The following GPD1 variants were observed in gnomAD, a reference collection of about 807,000 sequenced individuals.
GPD1 encodes the protein glycerol-3-phosphate dehydrogenase 1.
Under a neutral mutation model 34.4 loss-of-function variants are expected in GPD1, and 19 were observed. The ratio of observed to expected loss-of-function variants is 0.55; its 90% CI spans 0.39 to 0.81. The LOEUF (loss-of-function observed/expected upper bound fraction) is 0.81. Among genes scored for constraint, GPD1 ranks in the 30% least tolerant of loss-of-function variants. The probability of loss-of-function intolerance (pLI) is 0.00; values close to 1 mark genes in which losing one functional copy is unlikely to be tolerated. For synonymous variants in GPD1, 172 were observed against 174.1 expected (o/e 0.99, Z 0.09); for missense variants, 429 against 447.0 (o/e 0.96, Z 0.36).
chr12:50,107,148 C>T (rs1413664836), intron 5 of GPD1: 8 of 678,384 alleles, frequency 1.2e-5, no homozygotes, highest in Non-Finnish European at 2.2e-5. Flanking sequence ...CCCATTTTAG[C>T]CCCGTGTGGG....
intron 7 of GPD1, 117 bp downstream of exon 7, chr12:50,108,247 A>ACCTTACATT: frequency 1.5e-6 from 1 of 682,700 alleles, no homozygotes. Flanking sequence ...GGGGAGTATT[A>ACCTTACATT]CCTTACATTT....
intron 5 of GPD1, 172 bp from the exon 6 acceptor site, chr12:50,107,395 A>G: frequency 1.4e-6 from 1 of 719,434 alleles, no homozygotes; most frequent in Non-Finnish European, 2.5e-6. Flanking sequence ...GGCTTAAGAA[A>G]GGGGGTGCAG....
At position 50,107,771 on chromosome 12, in the gene GPD1, G is replaced by T. The variant is rs760318023; in HGVS notation, c.817G>T (p.Val273Leu). The change falls in exon 6 of 8, where the codon GTG (valine) becomes TTG (leucine). Residue 273 changes from valine to leucine, a missense_variant. Val to Leu is a conservative substitution (Grantham distance 32). Coordinates refer to ENST00000301149, the MANE Select transcript of GPD1 (RefSeq NM_005276.4). ...CTGCTATGGAGGGCGGAACCGGAAA[G>T]TGGCTGAGGCCTTTGCGCGTACAGG... ...TTCYGGRNRK[V>L]AEAFARTGKS... The T allele has an allele frequency of 6.2e-7, 1 of 1,613,956 alleles. No individual in the cohort carries two copies. Among genetic ancestry groups the T allele is most frequent in the Non-Finnish European group, 8.5e-7 (1 of 1,179,802 alleles).
rs747791923 is a variant in GPD1, at chr12:50,108,021, C to A, written c.847-3C>A. 164 of 1,594,278 alleles carry A rather than the reference C, an allele frequency of 1.0e-4. No homozygotes were observed. Among genetic ancestry groups the A allele is most frequent in the Non-Finnish European group, 1.2e-4 (143 of 1,163,524 alleles). On this transcript the variant is annotated splice_polypyrimidine_tract_variant and splice_region_variant and intron_variant, in intron 6 of 7. Coordinates refer to ENST00000301149, the MANE Select transcript of GPD1 (RefSeq NM_005276.4). The stretch of plus-strand genomic sequence containing the variant: ...CCATCCACTCATCCTGTTTTCTGCA[C>A]AGTCCATTGAGCAGCTGGAGAAAGA...
intron 5 of GPD1, 65 bp downstream of exon 5, chr12:50,106,982 C>A: frequency 1.1e-6 from 1 of 926,904 alleles, no homozygotes; most frequent in Non-Finnish European, 1.8e-6. Context: ...TGGCTGAGCT[C>A]TGCAAGGCTG....
At chr12:50,108,496 C>T (rs553088048) in intron 7 of GPD1, among the ~76,000 whole-genome samples, 5 of 152,284 alleles carry the variant, frequency 3.3e-5, no homozygotes, top group Admixed American at 1.3e-4. Context: ...CCATCTGTTC[C>T]CTGAATCCTG....
intron 3 of GPD1, chr12:50,105,910 C>A (rs1950974994): frequency 1.4e-6 from 1 of 697,132 alleles, no homozygotes; most frequent in African/African-American, 1.8e-5. Flanking sequence ...TGGAGGTCCT[C>A]TCGGGGAGTT....
rs1233646729 is a variant in GPD1 at position 50,104,070 on chromosome 12, G to T, written c.20G>T (p.Cys7Phe). The change falls in exon 1 of 8, where the codon TGC becomes TTC. Residue 7 changes from cysteine (C) to phenylalanine (F), a missense_variant. Physicochemically the swap from Cys to Phe is radical, Grantham distance 205. Transcript: ENST00000301149. ...GGCACCATGGCTAGCAAGAAAGTCTGCATTGTAGGCTCCGGGAACTGGTAA... is the reference window on the plus strand; with the variant it reads ...GGCACCATGGCTAGCAAGAAAGTCTTCATTGTAGGCTCCGGGAACTGGTAA... Reference protein sequence around the residue: MASKKVCIVGSGNWGSA... With the variant: MASKKVFIVGSGNWGSA... 1 of 1,614,124 alleles carries T rather than the reference G, an allele frequency of 6.2e-7. No homozygotes were observed. The highest frequency in any genetic ancestry group is 1.3e-5 in the African/African-American group (1 of 75,046).
intron 3 of GPD1, 72 bp from the exon 4 acceptor site, chr12:50,106,216 G>T: frequency 7.4e-7 from 1 of 1,349,884 alleles, no homozygotes; most frequent in Non-Finnish European, 1.0e-6. Context: ...ATTTGGAAGG[G>T]ACAGAATTTC....
intron 1 of GPD1, 138 bp from the exon 2 acceptor site, chr12:50,104,436 T>C (rs747463131): frequency 4.0e-6 from 3 of 745,690 alleles, no homozygotes; most frequent in South Asian, 2.9e-5. Context: ...CTATTTGTCA[T>C]GGGAGTGGAG....
At chr12:50,105,058 C>T in intron 2 of GPD1, 1 of 390,000 alleles carries the variant, frequency 2.6e-6, no homozygotes, top group Non-Finnish European at 4.6e-6. Context: ...AATCCTGTTA[C>T]TCATTCACTG....
At chr12:50,105,995 G>A in intron 3 of GPD1, 1 of 638,982 alleles carries the variant, frequency 1.6e-6, no homozygotes, top group South Asian at 1.7e-5. Flanking sequence ...AGCTGGTTTG[G>A]AGCAGTGACT....
intron 7 of GPD1, among the ~76,000 whole-genome samples, chr12:50,109,205 A>G (rs1565748654): frequency 6.6e-6 from 1 of 151,536 alleles, no homozygotes; most frequent in African/African-American, 2.4e-5. Context: ...AGAATCATGC[A>G]GGCCAGTTCA....
chr12:50,105,648 G>A lies in GPD1; in HGVS notation c.320G>A (p.Gly107Asp). The A allele has an allele frequency of 1.2e-6, 2 of 1,614,166 alleles. No individual in the cohort carries two copies. Among genetic ancestry groups the A allele is most frequent in the South Asian group, 1.1e-5 (1 of 91,082 alleles). The change falls in exon 3 of 8, where the codon GGC becomes GAC. Residue 107 changes from glycine (G) to aspartate (D), a missense_variant. Coordinates refer to ENST00000301149, the MANE Select transcript of GPD1 (RefSeq NM_005276.4). Reference sequence around the variant, plus strand: ...GGCAAGATCTGTGACCAGCTCAAGGGCCATCTGAAGGCAAACGCCACTGGC... The same window carrying A: ...GGCAAGATCTGTGACCAGCTCAAGGACCATCTGAAGGCAAACGCCACTGGC... ...FIGKICDQLK[G>D]HLKANATGIS...
chr12:50,107,557 C>T lies in GPD1; in HGVS notation c.613-10C>T. 6.2e-7 allele frequency: 1 copy of T among 1,608,682 alleles called. No homozygotes were observed. The highest frequency in any genetic ancestry group is 8.5e-7 in the Non-Finnish European group (1 of 1,175,062). On this transcript the variant is annotated splice_polypyrimidine_tract_variant and intron_variant, in intron 5 of 7. Transcript: ENST00000301149. ...GGTCTTTTCTCACCTATGACCTCCA[C>T]TCCTTCAAGAATGTAGTGGCCGTGG...
At chr12:50,108,257 TCAGA>T (rs946273489) in intron 7 of GPD1, 127 bp downstream of exon 7, 7 of 660,666 alleles carry the variant, frequency 1.1e-5, no homozygotes, top group Middle Eastern at 2.7e-4. Flanking sequence ...ACCTTACATT[TCAGA>T]CAGAGTCCAG....
Position 50,108,148 on chromosome 12 carries a change from C to G in GPD1, c.953+18C>G. On this transcript the variant is annotated intron_variant, in intron 7 of 7. Transcript: ENST00000301149. Reference sequence around the variant, plus strand: ...GTAGACAAGTAAGTATTGGCCACAGCCCCACTGATTAAGGGAGCCACAGCC... The same window carrying G: ...GTAGACAAGTAAGTATTGGCCACAGGCCCACTGATTAAGGGAGCCACAGCC... The G allele has an allele frequency of 7.2e-7, 1 of 1,388,010 alleles. No homozygotes were observed. The highest frequency in any genetic ancestry group is 1.0e-6 in the Non-Finnish European group (1 of 978,860). 86.0% of individuals were successfully genotyped at this position (1,388,010 alleles called of 1,614,324 possible).
chr12:50,107,242 CCAGA>C, intron 5 of GPD1: 2 of 649,448 alleles, frequency 3.1e-6, no homozygotes, highest in South Asian at 3.0e-5. Context: ...TCCTTGACAC[CCAGA>C]CAGACTAATG....
chr12:50,107,315 T>C (rs1380085406), intron 5 of GPD1: 1 of 673,090 alleles, frequency 1.5e-6, no homozygotes, highest in Middle Eastern at 2.4e-4. Flanking sequence ...GGAATGGTCA[T>C]AGATGGGAAG....
Sources: allele counts gnomAD v4.1 joint callset (sites outside exome capture counted in the v4.1 genomes callset), GRCh38; gene constraint gnomAD v4.1.1; transcripts MANE v1.5; gene names NCBI Gene and HGNC (gene_info 2026-07-23, HGNC 2026-07-21).